The following LRP1 variants were observed in gnomAD, a reference collection of about 807,000 sequenced individuals.
The protein encoded by LRP1 is prolow-density lipoprotein receptor-related protein 1.
In LRP1, 51 loss-of-function variants were observed where a neutral mutation model predicts 541.5. The observed-to-expected ratio is 0.09, with a 90% confidence interval of 0.08 to 0.12. The LOEUF (loss-of-function observed/expected upper bound fraction) is 0.12, where lower values mean the gene tolerates loss of function less well. Ranked by LOEUF, LRP1 falls within the 10% of genes least tolerant of loss-of-function variation. LRP1 has a pLI of 1.00. For synonymous variants in LRP1, 2,219 were observed against 2,470.8 expected (o/e 0.90, Z 3.02); for missense variants, 3,878 against 6,376.2 (o/e 0.61, Z 13.34).
chr12:57,211,089 T>C lies in LRP1; in HGVS notation c.12917-87T>C. ...AGGCAGTGCACCCCCTGCACCAAGA[T>C]TATGCAAACAGAAAAGCTCTGTTCA... On this transcript the variant is annotated intron_variant, in intron 83 of 88. Transcript: ENST00000243077. This position sits in a 1 kb window ranked among gnomAD's most constrained non-coding sequence, Gnocchi z 4.3. 6.7e-7 allele frequency: 1 copy of C among 1,491,454 alleles called. No homozygotes were observed. Among genetic ancestry groups the C allele is most frequent in the South Asian group, 1.2e-5 (1 of 82,412 alleles). The allele number at this position is 1,491,454 out of a possible 1,614,324, so 92.4% of individuals were successfully genotyped here. A position where few individuals can be genotyped will look rare whatever the true frequency, so the allele number is the denominator to read the frequency against.
At position 57,150,098 on chromosome 12, in the gene LRP1, C is replaced by T. The variant is rs561501259; in HGVS notation, c.842-4110C>T. 1.4e-4 allele frequency: 31 copies of T among 225,710 alleles called. No individual in the cohort carries two copies. The South Asian group carries it at 1.7e-3, about 12-fold the overall frequency. 14.0% of individuals were successfully genotyped at this position (225,710 alleles called of 1,614,324 possible). On this transcript the variant is annotated intron_variant, in intron 6 of 88. Coordinates refer to ENST00000243077, the MANE Select transcript of LRP1 (RefSeq NM_002332.3). ...CGCCTGAGACAAAGACAAAAGGCAG[C>T]GCTCTCCTTACAGTATTTGCAGTCA... is the stretch of plus-strand genomic sequence containing the variant.
intron 60 of LRP1, 139 bp from the exon 61 acceptor site, chr12:57,199,073 G>GGTCT (rs1369678378): frequency 6.4e-6 from 5 of 780,168 alleles, no homozygotes; most frequent in Non-Finnish European, 1.1e-5. Flanking sequence ...GACCATGGGG[G>GGTCT]GTCTGTACCA....
intron 17 of LRP1, chr12:57,166,504 T>G (rs1592624992): frequency 2.4e-6 from 1 of 419,354 alleles, no homozygotes; most frequent in Non-Finnish European, 4.3e-6. Flanking sequence ...GAGGCTGCAG[T>G]GAGCCATGGT....
intron 68 of LRP1, 77 bp from the exon 69 acceptor site, chr12:57,203,104 C>T (rs2036690503): frequency 1.8e-6 from 2 of 1,081,186 alleles, no homozygotes; most frequent in African/African-American, 1.6e-5. Context: ...GGGCCTTGGG[C>T]TCGGGACTGT....
At chr12:57,208,424 C>T in intron 77 of LRP1, 1 of 623,516 alleles carries the variant, frequency 1.6e-6, no homozygotes. Flanking sequence ...CCTGCTTGGG[C>T]AGGGATCTGA....
chr12:57,203,405 G>A lies in LRP1; in HGVS notation c.10835G>A (p.Arg3612His), dbSNP rs768824498. The A allele has an allele frequency of 8.7e-6, 14 of 1,608,076 alleles. No homozygotes were observed. Among genetic ancestry groups the A allele is most frequent in the Middle Eastern group, 1.6e-4 (1 of 6,064 alleles). ...DGSDEKDCTPRCDMDQFQCKS... is the reference protein window; with the variant it reads ...DGSDEKDCTPHCDMDQFQCKS... ...TGCCCACAGAAAGACTGCACCCCCC[G>A]CTGTGACATGGACCAGTTCCAGTGC... The change falls in exon 70 of 89, where the codon CGC (arginine) becomes CAC (histidine). Residue 3612 changes from arginine to histidine, a missense_variant. Transcript: ENST00000243077.
At chr12:57,170,990 G>A (rs1479518028) in intron 20 of LRP1, among the ~76,000 whole-genome samples, 1 of 152,178 alleles carries the variant, frequency 6.6e-6, no homozygotes, top group Non-Finnish European at 1.5e-5. Flanking sequence ...CCCTGAGAGG[G>A]AGGACAGAGA....
intron 6 of LRP1, chr12:57,150,189 C>CTGTTTT (rs2035499473): frequency 1.1e-5 from 1 of 92,878 alleles, no homozygotes; most frequent in Non-Finnish European, 1.8e-5. Flanking sequence ...AAACTTCCTT[C>CTGTTTT]TTTTTTTTTT....
At chr12:57,139,085 T>A (rs2035234092) in intron 2 of LRP1, among the ~76,000 whole-genome samples, 1 of 152,104 alleles carries the variant, frequency 6.6e-6, no homozygotes, top group South Asian at 2.1e-4. Flanking sequence ...CGGAGGCAGC[T>A]GTTTTAACTG....
rs1382306608 is a variant in LRP1 at position 57,205,223 on chromosome 12, G to A, written c.11309G>A (p.Gly3770Asp). The A allele has an allele frequency of 1.2e-6, 2 of 1,613,506 alleles. No individual in the cohort carries two copies. The highest frequency in any genetic ancestry group is 2.7e-5 in the African/African-American group (2 of 74,934). The change falls in exon 73 of 89, where the codon GGC becomes GAC. Residue 3770 changes from glycine (G) to aspartate (D), a missense_variant. By Grantham distance (94) the Gly-to-Asp change is moderately conservative. Coordinates refer to ENST00000243077, the MANE Select transcript of LRP1 (RefSeq NM_002332.3). This position sits in a 1 kb window ranked among gnomAD's most constrained non-coding sequence, Gnocchi z 4.6. ...AACATGTTCGATGACTGCGGGGACGGCTCTGACGAGGAGGACTGCAGCATC... is the reference window on the plus strand; with the variant it reads ...AACATGTTCGATGACTGCGGGGACGACTCTGACGAGGAGGACTGCAGCATC... ...RCNMFDDCGDGSDEEDCSIDP... is the reference protein window; with the variant it reads ...RCNMFDDCGDDSDEEDCSIDP...
At chr12:57,169,828 G>T (rs1022138396) in intron 20 of LRP1, among the ~76,000 whole-genome samples, 5 of 152,258 alleles carry the variant, frequency 3.3e-5, no homozygotes, top group Non-Finnish European at 5.9e-5. Context: ...CCTGGCCTCT[G>T]GGGCCCAGCC....
At position 57,130,346 on chromosome 12, in the gene LRP1, G is replaced by A. The variant is rs192486674; in HGVS notation, c.67+1315G>A. On this transcript the variant is annotated intron_variant, in intron 1 of 88. Coordinates refer to ENST00000243077, the MANE Select transcript of LRP1 (RefSeq NM_002332.3). ...TCAATTGGGGGAGGAGACTTACAGG[G>A]TCAGGAAGCAGCTGTGTCCCCAAAA... Among the ~76,000 whole-genome samples the A allele has an allele frequency of 1.2e-3, 176 of 152,210 alleles. 1 individual carries two copies. In the East Asian group the frequency reaches 0.015, roughly 13 times the overall value.
chr12:57,169,940 C>T (rs1565730620), intron 20 of LRP1, among the ~76,000 whole-genome samples: 2 of 152,186 alleles, frequency 1.3e-5, no homozygotes. Context: ...TGAAAACTAC[C>T]AAATTTTTAA....
rs76362380 is a variant in LRP1, at chr12:57,206,198, C to T, written c.11591-275C>T. Among the ~76,000 whole-genome samples, 2 of 152,150 alleles carry T rather than the reference C, an allele frequency of 1.3e-5. No homozygotes were observed. The highest frequency in any genetic ancestry group is 4.8e-5 in the African/African-American group (2 of 41,432). ...GAGCGTGGTGATGCCATCCAGCAGC[C>T]GTGAGGAGGTGGAAGTCTCTGGGTC... On this transcript the variant is annotated intron_variant, in intron 75 of 88. Coordinates refer to ENST00000243077, the MANE Select transcript of LRP1 (RefSeq NM_002332.3). The surrounding 1 kb of genome is among the most constrained non-coding windows in gnomAD (Gnocchi z 4.7).
chr12:57,140,255 A>G (rs1237612527), intron 2 of LRP1, among the ~76,000 whole-genome samples: 1 of 151,964 alleles, frequency 6.6e-6, no homozygotes. Flanking sequence ...ACAACCTTTG[A>G]TTCTTCCCAA....
rs542684772 is a variant in LRP1, at chr12:57,171,772, G to A, written c.3164-1396G>A. The stretch of plus-strand genomic sequence containing the variant: ...AGGGTAGGGAAGGGGGAGGAGCGGG[G>A]TGTCTGTGGCAGCATGAGTGTATGA... On this transcript the variant is annotated intron_variant, in intron 20 of 88. Coordinates refer to ENST00000243077, the MANE Select transcript of LRP1 (RefSeq NM_002332.3). Among the ~76,000 whole-genome samples, 15 of 152,280 alleles carry A rather than the reference G, an allele frequency of 9.9e-5. No individual in the cohort carries two copies. In the East Asian group the frequency reaches 2.9e-3, roughly 29 times the overall value.
In LRP1 at chr12:57,128,702, C is replaced by T. The variant is rs892703541; in HGVS notation, c.-263C>T. On this transcript the variant is annotated 5_prime_UTR_variant, in exon 1 of 89. Coordinates refer to ENST00000243077, the MANE Select transcript of LRP1 (RefSeq NM_002332.3). ...GCTTCGCCCGGGGAGGGGGAAAGAG[C>T]AGCGAGGAGTGAAGCGGGGGGGTGG... 16 of 414,356 alleles carry T rather than the reference C, an allele frequency of 3.9e-5. No individual in the cohort carries two copies. Among genetic ancestry groups the T allele is most frequent in the Admixed American group, 8.2e-5 (2 of 24,504 alleles). 25.7% of individuals were successfully genotyped at this position (414,356 alleles called of 1,614,324 possible).
intron 6 of LRP1, chr12:57,149,627 C>A: frequency 1.4e-6 from 1 of 707,858 alleles, no homozygotes. Flanking sequence ...CTCTTGGGGA[C>A]CTAAGCCAGG....
At chr12:57,150,013 GAAC>G in intron 6 of LRP1, 1 of 489,082 alleles carries the variant, frequency 2.0e-6, no homozygotes, top group South Asian at 2.6e-5. Flanking sequence ...CCCAGCTCTA[GAAC>G]AACAGACTCA....
Sources: allele counts gnomAD v4.1 joint callset (sites outside exome capture counted in the v4.1 genomes callset), GRCh38; gene constraint gnomAD v4.1.1; non-coding constraint Gnocchi (gnomAD v3.1); transcripts MANE v1.5; gene names NCBI Gene and HGNC (gene_info 2026-07-23, HGNC 2026-07-21).